The following TRRAP variants were observed in gnomAD, a reference collection of about 807,000 sequenced individuals.
The protein encoded by TRRAP is transformation/transcription domain associated protein.
In TRRAP, 41 loss-of-function variants were observed where a neutral mutation model predicts 438.8. The observed-to-expected ratio is 0.09, with a 90% CI of 0.07 to 0.12. The LOEUF (loss-of-function observed/expected upper bound fraction) is 0.12, where lower values mean the gene tolerates loss of function less well. TRRAP is among the 10% of genes least tolerant of loss of function. TRRAP has a pLI of 1.00. For missense variants in TRRAP, 3,122 were observed against 5,055.1 expected, an observed-to-expected ratio of 0.62 and a Z score of 11.60; for synonymous variants, 1,994 against 1,962.9, an observed-to-expected ratio of 1.02 and a Z score of -0.42.
intron 7 of TRRAP, among the ~76,000 whole-genome samples, chr7:98,896,404 T>C (rs1796205439): frequency 6.6e-6 from 1 of 152,100 alleles, no homozygotes; most frequent in South Asian, 2.1e-4. Context: ...TCATAATTCT[T>C]TCTTTTTTTT....
Position 98,899,509 on chromosome 7 carries a change from T to C in TRRAP, c.711+10T>C. On this transcript the variant is annotated intron_variant, in intron 9 of 72. Coordinates refer to ENST00000456197, the MANE Select transcript of TRRAP (RefSeq NM_001375524.1). ...TGTTTTAATGTATCAGGTATGTGTA[T>C]TGCTCATTAGTCTCTTGGGTTTTGG... The C allele has an allele frequency of 1.2e-6, 2 of 1,614,104 alleles. No homozygotes were observed. The highest frequency in any genetic ancestry group is 1.7e-6 in the Non-Finnish European group (2 of 1,179,938).
chr7:99,003,545 C>G (rs1794024827), intron 67 of TRRAP, among the ~76,000 whole-genome samples: 1 of 152,148 alleles, frequency 6.6e-6, no homozygotes, highest in South Asian at 2.1e-4. Context: ...CGCCCTCAGG[C>G]TCCTGTGTCT....
chr7:98,966,461 G>A (rs1303156060), intron 49 of TRRAP, among the ~76,000 whole-genome samples: 2 of 151,810 alleles, frequency 1.3e-5, no homozygotes, highest in Non-Finnish European at 2.9e-5. Context: ...GAGGCAGGTG[G>A]ATCACTTGAG....
chr7:98,949,523 G>A lies in TRRAP; in HGVS notation c.4895G>A (p.Arg1632His), dbSNP rs3735363. 1.3e-5 allele frequency: 21 copies of A among 1,605,108 alleles called. No homozygotes were observed. The highest frequency in any genetic ancestry group is 6.9e-5 in the Admixed American group (4 of 58,002). The change falls in exon 36 of 73, where the codon CGC becomes CAC. Residue 1632 changes from arginine to histidine, a missense_variant. Around this residue, in one of 24 missense-constraint regions of TRRAP, gnomAD observed 272 missense variants for 348.5 expected, o/e 0.78. Transcript: ENST00000456197. Reference sequence around the variant, plus strand: ...CCGGGGGGTGCCCAGACGGCTGTGCGCCCCGGTTCGCCCAGCACCAGCACC... The same window carrying A: ...CCGGGGGGTGCCCAGACGGCTGTGCACCCCGGTTCGCCCAGCACCAGCACC... ...LLPGGAQTAV[R>H]PGSPSTSTMR...
intron 62 of TRRAP, 131 bp from the exon 63 acceptor site, chr7:98,988,634 G>A: frequency 9.6e-7 from 1 of 1,046,770 alleles, no homozygotes; most frequent in Non-Finnish European, 1.4e-6. Flanking sequence ...GACTGCTTAT[G>A]GGGCGGTTGC....
At chr7:98,943,229 C>T (rs1339442851) in intron 31 of TRRAP, among the ~76,000 whole-genome samples, 1 of 152,188 alleles carries the variant, frequency 6.6e-6, no homozygotes, top group African/African-American at 2.4e-5. Flanking sequence ...TCTTTAAAAT[C>T]TCCCCTTTGG....
intron 67 of TRRAP, among the ~76,000 whole-genome samples, chr7:99,003,945 T>C (rs1584414420): frequency 2.6e-5 from 4 of 151,952 alleles, no homozygotes; most frequent in Non-Finnish European, 5.9e-5. Flanking sequence ...TGGTGGCGGG[T>C]GCCTGTAATC....
intron 30 of TRRAP, among the ~76,000 whole-genome samples, chr7:98,941,144 C>T (rs921505392): frequency 6.6e-6 from 1 of 152,118 alleles, no homozygotes; most frequent in Non-Finnish European, 1.5e-5. Context: ...AGTTACCTGA[C>T]ATATGATTAT....
At chr7:98,926,291 A>C (rs1443091194) in intron 22 of TRRAP, among the ~76,000 whole-genome samples, 1 of 152,206 alleles carries the variant, frequency 6.6e-6, no homozygotes, top group Non-Finnish European at 1.5e-5. Context: ...TGTTGAGTGA[A>C]TCCAAAGCAG....
chr7:98,910,041 T>A lies in TRRAP; in HGVS notation c.1351-15T>A. 1 of 1,535,002 alleles carries A rather than the reference T, an allele frequency of 6.5e-7. No homozygotes were observed. Among genetic ancestry groups the A allele is most frequent in the Non-Finnish European group, 8.8e-7 (1 of 1,140,096 alleles). The stretch of plus-strand genomic sequence containing the variant: ...AATAATTCTGTCTTCCCTCTTGAAT[T>A]TCTCTTCCCGTTAGGTTTTCGTTCT... On this transcript the variant is annotated splice_polypyrimidine_tract_variant and intron_variant, in intron 14 of 72. Transcript: ENST00000456197.
At chr7:98,928,676 C>T (rs1790168918) in intron 23 of TRRAP, among the ~76,000 whole-genome samples, 1 of 152,150 alleles carries the variant, frequency 6.6e-6, no homozygotes, top group African/African-American at 2.4e-5. Flanking sequence ...CGGAGCATAA[C>T]CCATGGTCAT....
rs1789494093 is a variant in TRRAP at position 98,915,732 on chromosome 7, C to G, written c.2209C>G (p.His737Asp). Residue 737 changes from histidine to aspartate, a missense_variant, in exon 19 of 73, where the codon CAC becomes GAC. His to Asp is a moderately conservative substitution (Grantham distance 81, BLOSUM62 -1). This residue lies in a region of TRRAP where 149 missense variants were observed against 302.8 expected (regional missense o/e 0.49). Transcript: ENST00000456197. The stretch of plus-strand genomic sequence containing the variant: ...CTTCTCCACCCCGCAGCCTCACTTG[C>G]ACAAGATTGTGAACAGCTCTATGGA... ...ENEQMLKPHL[H>D]KIVNSSMELA... The G allele has an allele frequency of 6.2e-7, 1 of 1,613,696 alleles. No homozygotes were observed. The highest frequency in any genetic ancestry group is 1.3e-5 in the African/African-American group (1 of 74,880).
At chr7:98,890,105 T>C (rs1242121340) in intron 3 of TRRAP, among the ~76,000 whole-genome samples, 1 of 152,214 alleles carries the variant, frequency 6.6e-6, no homozygotes, top group East Asian at 1.9e-4. Context: ...TCCCAAAGGA[T>C]TGGTATTTCT....
In TRRAP at chr7:98,988,900, C is replaced by T; in HGVS notation, c.9525C>T (p.Ala3175=). 6.2e-7 allele frequency: 1 copy of T among 1,614,146 alleles called. No individual in the cohort carries two copies. The highest frequency in any genetic ancestry group is 1.1e-5 in the South Asian group (1 of 91,068). The part of the protein sequence containing the change: ...KERQLHLGVS[A]ITCYLHACRH... The stretch of plus-strand genomic sequence containing the variant: ...GGCAGCTGCACCTGGGCGTGTCTGC[C>T]ATCACCTGCTACCTGCACGCCTGCC... Residue 3175 remains alanine (A), a synonymous_variant, in exon 63 of 73, where the codon GCC becomes GCT. Transcript: ENST00000456197.
chr7:98,902,927 G>T (rs868950122), intron 11 of TRRAP, among the ~76,000 whole-genome samples: 1 of 91,404 alleles, frequency 1.1e-5, no homozygotes, highest in South Asian at 4.0e-4. Flanking sequence ...AAAAAAAAAA[G>T]AAAATTAGGC....
At chr7:98,964,334 G>A (rs1792057308) in intron 47 of TRRAP, among the ~76,000 whole-genome samples, 1 of 152,022 alleles carries the variant, frequency 6.6e-6, no homozygotes. Context: ...TAAAAACTTA[G>A]GGTAATTTGC....
chr7:98,978,990 C>T lies in TRRAP; in HGVS notation c.8634+86C>T. The T allele has an allele frequency of 2.6e-6, 4 of 1,556,826 alleles. No individual in the cohort carries two copies. In the East Asian group the frequency reaches 9.1e-5, roughly 36 times the overall value. Reference sequence around the variant, plus strand: ...GTCTCTTGGGAGATTTCCCTTAGAACAAGCATTTTGGCAGTGGAAAGACAG... The same window carrying T: ...GTCTCTTGGGAGATTTCCCTTAGAATAAGCATTTTGGCAGTGGAAAGACAG... On this transcript the variant is annotated intron_variant, in intron 58 of 72. Transcript: ENST00000456197.
chr7:98,960,399 G>A (rs1468178011), intron 45 of TRRAP, among the ~76,000 whole-genome samples: 3 of 152,146 alleles, frequency 2.0e-5, no homozygotes, highest in Admixed American at 1.3e-4. Context: ...CCTATTGCAA[G>A]CACTTGTTAT....
At chr7:98,901,117 C>CA (rs1364544753) in intron 11 of TRRAP, among the ~76,000 whole-genome samples, 3 of 152,178 alleles carry the variant, frequency 2.0e-5, no homozygotes, top group African/African-American at 7.2e-5. Context: ...GCAGCCTTAA[C>CA]AAAAAATCCC....
Sources: allele counts gnomAD v4.1 joint callset (sites outside exome capture counted in the v4.1 genomes callset), GRCh38; gene constraint gnomAD v4.1.1; regional missense constraint gnomAD v4.1.1; transcripts MANE v1.5; gene names NCBI Gene and HGNC (gene_info 2026-07-23, HGNC 2026-07-21).